Variants in TMPRSS15 observed in about 807,000 individuals in gnomAD.
The protein encoded by TMPRSS15 is enteropeptidase.
Under a neutral mutation model 125.3 loss-of-function variants are expected in TMPRSS15, and 128 were observed. The ratio of observed to expected loss-of-function variants is 1.02; its 90% confidence interval spans 0.89 to 1.18. The LOEUF (loss-of-function observed/expected upper bound fraction) is 1.18, where lower values mean the gene tolerates loss of function less well. TMPRSS15 is among the 50% of genes most tolerant of loss of function. The pLI, the probability that TMPRSS15 is intolerant of heterozygous loss-of-function variation, is 0.00. For missense variants in TMPRSS15, 1,283 were observed against 1,212.7 expected, an observed-to-expected ratio of 1.06 and a Z score of -0.86; for synonymous variants, 446 against 423.2, an observed-to-expected ratio of 1.05 and a Z score of -0.66.
Position 18,398,322 on chromosome 21 carries a change from T to C in TMPRSS15, c.153A>G (p.Ala51=). The change falls in exon 2 of 25, where the codon GCA becomes GCG. Residue 51 remains alanine (A), a synonymous_variant. Transcript: ENST00000284885. The part of the protein sequence containing the change: ...LTIKESQRGA[A]LGQSHEARAT... ...CTCTGGCTTCATGACTCTGTCCAAG[T>C]GCTGCACCTAGATAAATTAATAAGG... 1 of 1,613,692 alleles carries C rather than the reference T, an allele frequency of 6.2e-7. No individual in the cohort carries two copies. Among genetic ancestry groups the C allele is most frequent in the Non-Finnish European group, 8.5e-7 (1 of 1,179,728 alleles).
chr21:18,393,080 G>A (rs548686992), intron 3 of TMPRSS15, among the ~76,000 whole-genome samples: 1 of 152,288 alleles, frequency 6.6e-6, no homozygotes, highest in South Asian at 2.1e-4. Context: ...TACAGATGAT[G>A]TGGCAGGACT....
chr21:18,329,600 A>G (rs1264901605), intron 14 of TMPRSS15, among the ~76,000 whole-genome samples: 3 of 151,544 alleles, frequency 2.0e-5, no homozygotes, highest in African/African-American at 7.2e-5. Flanking sequence ...TCTACAATAT[A>G]ACATTTATGA....
chr21:18,398,211 G>A lies in TMPRSS15; in HGVS notation c.264C>T (p.Asp88=), dbSNP rs770458203. 1.9e-6 allele frequency: 3 copies of A among 1,613,660 alleles called. No homozygotes were observed. The South Asian group carries it at 3.3e-5, about 18-fold the overall frequency. Residue 88 remains aspartate (D), a synonymous_variant, in exon 2 of 25, where the codon GAC becomes GAT. Transcript: ENST00000284885. The stretch of plus-strand genomic sequence containing the variant: ...GTCAGTCTCCTACCATTTGCTGAAG[G>A]TCAAAAGCAAGAACTTTGAAATCCA... ...LSVDFKVLAF[D]LQQMIDEIFL... is the part of the protein sequence containing the mutation.
At chr21:18,420,721 T>C (rs2076190451) in intron 1 of TMPRSS15, among the ~76,000 whole-genome samples, 1 of 152,194 alleles carries the variant, frequency 6.6e-6, no homozygotes, top group South Asian at 2.1e-4. Context: ...GCTTTGGCAC[T>C]GAGGATGATA....
chr21:18,448,752 TG>T (rs200476210), intron 1 of TMPRSS15, among the ~76,000 whole-genome samples: 30,643 of 152,092 alleles, frequency 0.2, 4,151 homozygotes, highest in East Asian at 0.57. Flanking sequence ...CTATCATTTT[TG>T]TAGTTGTTTC....
intron 21 of TMPRSS15, among the ~76,000 whole-genome samples, chr21:18,291,943 T>G (rs1478654985): frequency 2.0e-5 from 3 of 152,142 alleles, no homozygotes; most frequent in Non-Finnish European, 4.4e-5. Flanking sequence ...AGTAACACCA[T>G]TTTAAGTTCA....
At chr21:18,377,195 T>G (rs1031272545) in intron 5 of TMPRSS15, among the ~76,000 whole-genome samples, 3 of 152,162 alleles carry the variant, frequency 2.0e-5, no homozygotes, top group Non-Finnish European at 2.9e-5. Context: ...ATAATAATAG[T>G]TTGAGAATTG....
intron 1 of TMPRSS15, among the ~76,000 whole-genome samples, chr21:18,468,220 A>G (rs964372307): frequency 6.6e-6 from 1 of 152,130 alleles, no homozygotes; most frequent in Non-Finnish European, 1.5e-5. Flanking sequence ...ATTTTTGGAC[A>G]AGAAACAGAG....
At chr21:18,351,438 G>C (rs748835256) in intron 10 of TMPRSS15, among the ~76,000 whole-genome samples, 8 of 152,138 alleles carry the variant, frequency 5.3e-5, no homozygotes, top group Non-Finnish European at 7.4e-5. Flanking sequence ...CATGTGCTGA[G>C]GGCAGGACCT....
At chr21:18,445,144 T>C (rs1423982985) in intron 1 of TMPRSS15, among the ~76,000 whole-genome samples, 1 of 151,870 alleles carries the variant, frequency 6.6e-6, no homozygotes, top group Non-Finnish European at 1.5e-5. Context: ...TGGCTAGTAC[T>C]CCATTGTATA....
intron 23 of TMPRSS15, among the ~76,000 whole-genome samples, chr21:18,277,319 C>A (rs1249609696): frequency 1.3e-5 from 2 of 151,746 alleles, no homozygotes; most frequent in Non-Finnish European, 2.9e-5. Flanking sequence ...TAAAAAAAAT[C>A]CAAAAACAAA....
At chr21:18,393,939 C>T (rs946642659) in intron 3 of TMPRSS15, among the ~76,000 whole-genome samples, 1 of 152,144 alleles carries the variant, frequency 6.6e-6, no homozygotes, top group African/African-American at 2.4e-5. Context: ...CTCTTAATAT[C>T]TGTATTCTCA....
intron 9 of TMPRSS15, 55 bp downstream of exon 9, chr21:18,353,667 CA>C: frequency 1.3e-6 from 2 of 1,519,266 alleles, no homozygotes; most frequent in Non-Finnish European, 1.8e-6. Context: ...TTTAAAATTC[CA>C]TCATAACATT....
intron 16 of TMPRSS15, among the ~76,000 whole-genome samples, chr21:18,319,316 A>T (rs989462885): frequency 3.3e-5 from 5 of 152,096 alleles, no homozygotes; most frequent in African/African-American, 1.2e-4. Flanking sequence ...AAATTTTATA[A>T]GATAATGAAG....
chr21:18,280,575 C>CAAAAAAAAAAAAAAAAAAA (rs1230513414), intron 22 of TMPRSS15, among the ~76,000 whole-genome samples: 60 of 48,336 alleles, frequency 1.2e-3, no homozygotes, highest in African/African-American at 5.1e-3. Flanking sequence ...GACTCCGTCT[C>CAAAAAAAAAAAAAAAAAAA]AAAAAAAAAA....
At chr21:18,420,291 T>A (rs1419229684) in intron 1 of TMPRSS15, among the ~76,000 whole-genome samples, 2 of 152,220 alleles carry the variant, frequency 1.3e-5, no homozygotes, top group Admixed American at 6.5e-5. Flanking sequence ...CCTCAAAGCA[T>A]GGCTGAAGTC....
Position 18,281,181 on chromosome 21 carries a change from G to A in TMPRSS15, c.2527C>T (p.Leu843=), listed in dbSNP as rs1428717560. 6.2e-7 allele frequency: 1 copy of A among 1,613,918 alleles called. No homozygotes were observed. Among genetic ancestry groups the A allele is most frequent in the East Asian group, 2.2e-5 (1 of 44,866 alleles). Residue 843 remains leucine (L), a synonymous_variant, in exon 22 of 25, where the codon CTG becomes TTG. Coordinates refer to ENST00000284885, the MANE Select transcript of TMPRSS15 (RefSeq NM_002772.3). ...GAGGTCAGATTTGATTTCATATGCA[G>A]GCCTAGGATTGCTGTCCACTTGGAT... ...EPSKWTAILG[L]HMKSNLTSPQ...
chr21:18,342,220 T>C (rs1390524539), intron 12 of TMPRSS15, among the ~76,000 whole-genome samples: 4 of 152,222 alleles, frequency 2.6e-5, no homozygotes, highest in Admixed American at 6.5e-5. Context: ...TCCTGTGCTA[T>C]GTAGAAGAGG....
intron 13 of TMPRSS15, among the ~76,000 whole-genome samples, chr21:18,335,185 A>G (rs960604887): frequency 4.5e-4 from 69 of 152,216 alleles, no homozygotes; most frequent in African/African-American, 1.7e-3. Flanking sequence ...GGGAATGTCT[A>G]ACTAACTTCA....
Sources: allele counts gnomAD v4.1 joint callset (sites outside exome capture counted in the v4.1 genomes callset), GRCh38; gene constraint gnomAD v4.1.1; transcripts MANE v1.5; gene names NCBI Gene and HGNC (gene_info 2026-07-23, HGNC 2026-07-21).